Variants in HTR3B observed in about 807,000 individuals in gnomAD.
The protein encoded by HTR3B is 5-hydroxytryptamine receptor 3B.
Under a neutral mutation model 42.8 loss-of-function variants are expected in HTR3B, and 44 were observed. The observed-to-expected ratio is 1.03, with a 90% CI of 0.81 to 1.32. The LOEUF is 1.32. HTR3B is among the 40% of genes most tolerant of loss of function. The pLI, the probability that HTR3B is intolerant of heterozygous loss-of-function variation, is 0.00. For synonymous variants in HTR3B, 203 were observed against 209.0 expected (o/e 0.97, Z 0.25); for missense variants, 527 against 536.5 (o/e 0.98, Z 0.17).
intron 2 of HTR3B, among the ~76,000 whole-genome samples, chr11:113,928,231 C>G (rs1234059495): frequency 6.6e-6 from 1 of 152,128 alleles, no homozygotes; most frequent in Non-Finnish European, 1.5e-5. Flanking sequence ...TTTTTTATGG[C>G]TGCATGGTAT....
chr11:113,916,354 T>A (rs1949853976), intron 2 of HTR3B, among the ~76,000 whole-genome samples: 1 of 152,184 alleles, frequency 6.6e-6, no homozygotes, highest in Admixed American at 6.5e-5. Flanking sequence ...GTTACAAGAG[T>A]TATTTATATA....
chr11:113,935,722 C>G (rs1056524748), intron 6 of HTR3B, among the ~76,000 whole-genome samples: 3 of 152,128 alleles, frequency 2.0e-5, no homozygotes, highest in Non-Finnish European at 4.4e-5. Flanking sequence ...TCTATTATGC[C>G]AACACTGGGC....
At chr11:113,916,915 G>A (rs931543258) in intron 2 of HTR3B, among the ~76,000 whole-genome samples, 1 of 151,940 alleles carries the variant, frequency 6.6e-6, no homozygotes, top group Non-Finnish European at 1.5e-5. Context: ...CGCTTAAGAG[G>A]CTTTTTTTGG....
Position 113,909,310 on chromosome 11 carries a change from A to T in HTR3B, c.68A>T (p.Asp23Val), listed in dbSNP as rs775332740. 1.2e-6 allele frequency: 2 copies of T among 1,612,888 alleles called. No homozygotes were observed. The highest frequency in any genetic ancestry group is 1.1e-5 in the South Asian group (1 of 91,044). Residue 23 changes from aspartate (D) to valine (V), a missense_variant, in exon 2 of 9, where the codon GAT (aspartate) becomes GTT (valine). Asp to Val is a radical substitution (Grantham distance 152). Coordinates refer to ENST00000260191, the MANE Select transcript of HTR3B (RefSeq NM_006028.5). Reference sequence around the variant, plus strand: ...TATTTTCCAGGAATTCTAGCCACAGATACACATCATCCCCAGGATTCTGCT... The same window carrying T: ...TATTTTCCAGGAATTCTAGCCACAGTTACACATCATCCCCAGGATTCTGCT... ...ILVAAGILAT[D>V]THHPQDSALY...
At position 113,944,556 on chromosome 11, in the gene HTR3B, C is replaced by T; in HGVS notation, c.908-17C>T. On this transcript the variant is annotated splice_polypyrimidine_tract_variant and intron_variant, in intron 7 of 8. Transcript: ENST00000260191. ...TTCAGACTGGAGGCTAACTGCACCTCTTCTGGCTTCTCTCAGGGCACTTCT... is the reference window on the plus strand; with the variant it reads ...TTCAGACTGGAGGCTAACTGCACCTTTTCTGGCTTCTCTCAGGGCACTTCT... The T allele has an allele frequency of 6.2e-7, 1 of 1,610,834 alleles. No individual in the cohort carries two copies. The highest frequency in any genetic ancestry group is 8.5e-7 in the Non-Finnish European group (1 of 1,177,324).
chr11:113,909,292 C>T lies in HTR3B; in HGVS notation c.53-3C>T. 8.7e-6 allele frequency: 14 copies of T among 1,610,778 alleles called. No homozygotes were observed. The highest frequency in any genetic ancestry group is 1.2e-5 in the Non-Finnish European group (14 of 1,177,108). On this transcript the variant is annotated splice_region_variant and splice_polypyrimidine_tract_variant and intron_variant, in intron 1 of 8. Coordinates refer to ENST00000260191, the MANE Select transcript of HTR3B (RefSeq NM_006028.5). ...ATCTTCACAATGATAGTTTATTTTC[C>T]AGGAATTCTAGCCACAGATACACAT...
intron 6 of HTR3B, among the ~76,000 whole-genome samples, chr11:113,935,946 G>A (rs923951632): frequency 6.6e-6 from 1 of 152,122 alleles, no homozygotes; most frequent in Admixed American, 6.6e-5. Context: ...TTCAGCTAAT[G>A]TGCAATCATA....
intron 6 of HTR3B, among the ~76,000 whole-genome samples, chr11:113,935,535 C>T (rs77872977): frequency 0.038 from 5,339 of 142,022 alleles, 439 homozygotes; most frequent in East Asian, 0.31. Flanking sequence ...GATTCAGTGA[C>T]GATCACAGTT....
chr11:113,941,872 A>C (rs1200245651), intron 6 of HTR3B, among the ~76,000 whole-genome samples: 2 of 152,160 alleles, frequency 1.3e-5, no homozygotes, highest in African/African-American at 4.8e-5. Flanking sequence ...GGGTGGTAAC[A>C]GATCACCCAG....
At chr11:113,943,970 A>G (rs1267372816) in intron 7 of HTR3B, among the ~76,000 whole-genome samples, 3 of 150,924 alleles carry the variant, frequency 2.0e-5, no homozygotes, top group Non-Finnish European at 3.0e-5. Flanking sequence ...AGGTGGGAGG[A>G]TTGCTTGAGC....
At chr11:113,899,209 A>G in the HTR3B span, among the ~76,000 whole-genome samples, 4 of 152,172 alleles carry the variant, frequency 2.6e-5, no homozygotes, top group Admixed American at 2.6e-4. Flanking sequence ...TTATTTGTTT[A>G]CTTTTTAAGG....
intron 8 of HTR3B, among the ~76,000 whole-genome samples, chr11:113,945,083 G>A (rs1457018997): frequency 6.6e-6 from 1 of 152,052 alleles, no homozygotes; most frequent in Non-Finnish European, 1.5e-5. Context: ...GAGATTGCAG[G>A]TGTGAGCCAC....
chr11:113,942,380 C>G (rs935147048), intron 6 of HTR3B, among the ~76,000 whole-genome samples: 1 of 152,202 alleles, frequency 6.6e-6, no homozygotes, highest in Non-Finnish European at 1.5e-5. Context: ...AGGAGAATTG[C>G]TTGAGCCTGG....
intron 2 of HTR3B, among the ~76,000 whole-genome samples, chr11:113,917,887 G>A (rs1236594920): frequency 3.9e-5 from 6 of 152,168 alleles, no homozygotes; most frequent in Non-Finnish European, 8.8e-5. Context: ...TTACAGGTGA[G>A]CCACTGTGCC....
chr11:113,942,361 G>A (rs921589930), intron 6 of HTR3B, among the ~76,000 whole-genome samples: 18 of 152,222 alleles, frequency 1.2e-4, no homozygotes, highest in African/African-American at 4.1e-4. Flanking sequence ...CTACCTGAGA[G>A]GGTGAGGCAG....
In HTR3B at chr11:113,947,798, A is replaced by C. The variant is rs920245667; in HGVS notation, c.*1661A>C. On this transcript the variant is annotated 3_prime_UTR_variant, in exon 9 of 9. Coordinates refer to ENST00000260191, the MANE Select transcript of HTR3B (RefSeq NM_006028.5). Reference sequence around the variant, plus strand: ...GGAGTGGGCAGCAGACAAAGGGGACATATTTCAGCCCATAACACTAGTGAT... The same window carrying C: ...GGAGTGGGCAGCAGACAAAGGGGACCTATTTCAGCCCATAACACTAGTGAT... 1.3e-5 allele frequency among the ~76,000 whole-genome samples: 2 copies of C among 152,184 alleles called. No homozygotes were observed. The highest frequency in any genetic ancestry group is 1.5e-5 in the Non-Finnish European group (1 of 68,042).
upstream of HTR3B, among the ~76,000 whole-genome samples, chr11:113,899,903 T>C (rs1470367175): frequency 6.6e-6 from 1 of 152,212 alleles, no homozygotes; most frequent in Non-Finnish European, 1.5e-5. Context: ...CCTGAACTTC[T>C]GTAAGAGAAT....
In HTR3B at chr11:113,944,647, C is replaced by T; in HGVS notation, c.982C>T (p.His328Tyr). ...AKSIVLVKFLHDEQRGGQEQP... is the reference protein window; with the variant it reads ...AKSIVLVKFLYDEQRGGQEQP... ...GTCCATCGTGTTGGTCAAATTCCTC[C>T]ATGATGAGCAGCGTGGTGGACAGGA... The change falls in exon 8 of 9, where the codon CAT (histidine) becomes TAT (tyrosine). Residue 328 changes from histidine to tyrosine, a missense_variant. Coordinates refer to ENST00000260191, the MANE Select transcript of HTR3B (RefSeq NM_006028.5). The T allele has an allele frequency of 6.2e-7, 1 of 1,614,186 alleles. No individual in the cohort carries two copies. The highest frequency in any genetic ancestry group is 1.1e-5 in the South Asian group (1 of 91,082).
At chr11:113,939,408 C>A (rs1437044198) in intron 6 of HTR3B, among the ~76,000 whole-genome samples, 1 of 152,196 alleles carries the variant, frequency 6.6e-6, no homozygotes, top group Admixed American at 6.5e-5. Context: ...CAAAATAGCA[C>A]CAGTGGAGCA....
Sources: allele counts gnomAD v4.1 joint callset (sites outside exome capture counted in the v4.1 genomes callset), GRCh38; gene constraint gnomAD v4.1.1; transcripts MANE v1.5; gene names NCBI Gene and HGNC (gene_info 2026-07-23, HGNC 2026-07-21).